RPTOR: variants seen among roughly 807,000 people sequenced by gnomAD.
The protein encoded by RPTOR is regulatory associated protein of MTOR complex 1.
Under a neutral mutation model 169.9 loss-of-function variants are expected in RPTOR, and 21 were observed. That is an observed-to-expected ratio of 0.12 (90% confidence interval 0.09 to 0.18). The LOEUF (loss-of-function observed/expected upper bound fraction) is 0.18, where lower values mean the gene tolerates loss of function less well. RPTOR is among the 10% of genes least tolerant of loss of function. The pLI is 1.00. For synonymous variants in RPTOR, 732 were observed against 753.2 expected (o/e 0.97, Z 0.46); for missense variants, 1,133 against 1,855.9 (o/e 0.61, Z 7.16).
intron 1 of RPTOR, among the ~76,000 whole-genome samples, chr17:80,591,566 A>G (rs1254279643): frequency 6.6e-6 from 1 of 151,246 alleles, no homozygotes; most frequent in Non-Finnish European, 1.5e-5. Flanking sequence ...TTTAGTAGAG[A>G]TGGGGTTTCA....
chr17:80,644,504 C>T (rs144192189), intron 3 of RPTOR, among the ~76,000 whole-genome samples: 8 of 152,184 alleles, frequency 5.3e-5, no homozygotes, highest in Non-Finnish European at 1.0e-4. Context: ...AATCTGGGCA[C>T]TTATGGAAGT....
chr17:80,854,346 G>A (rs1315975825), intron 11 of RPTOR, among the ~76,000 whole-genome samples: 2 of 152,236 alleles, frequency 1.3e-5, no homozygotes, highest in East Asian at 3.9e-4. Flanking sequence ...AATAAATCAA[G>A]GCTCAGCGAC....
chr17:80,693,734 G>T (rs529955389), intron 3 of RPTOR, among the ~76,000 whole-genome samples: 1 of 152,220 alleles, frequency 6.6e-6, no homozygotes, highest in Admixed American at 6.5e-5. Flanking sequence ...CCCCTTCCAC[G>T]CAGGGTGGGC....
In RPTOR at chr17:80,659,553, G is replaced by A. The variant is rs2065705512; in HGVS notation, c.348+15743G>A. Among the ~76,000 whole-genome samples, 1 of 151,842 alleles carries A rather than the reference G, an allele frequency of 6.6e-6. No individual in the cohort carries two copies. The highest frequency in any genetic ancestry group is 2.4e-5 in the African/African-American group (1 of 41,330). ...AGTTGGAGTTTCTCTCTGTCGCCAG[G>A]CTGGATACAGTGGCACGATCTTGGC... On this transcript the variant is annotated intron_variant, in intron 3 of 33. Transcript: ENST00000306801. The surrounding 1 kb of genome is among the most constrained non-coding windows in gnomAD (Gnocchi z 4.3).
At chr17:80,638,278 T>TG (rs769112598) in intron 2 of RPTOR, among the ~76,000 whole-genome samples, 2 of 152,158 alleles carry the variant, frequency 1.3e-5, no homozygotes, top group East Asian at 1.9e-4. Flanking sequence ...CCTTTGGGCC[T>TG]GGGGGGTCAG....
At chr17:80,647,796 A>G (rs2065608476) in intron 3 of RPTOR, among the ~76,000 whole-genome samples, 1 of 152,120 alleles carries the variant, frequency 6.6e-6, no homozygotes, top group African/African-American at 2.4e-5. Context: ...GTCTGCGAGT[A>G]GTGAAGGCAG....
At chr17:80,614,924 C>T (rs2065297975) in intron 1 of RPTOR, among the ~76,000 whole-genome samples, 4 of 152,206 alleles carry the variant, frequency 2.6e-5, no homozygotes, top group South Asian at 2.1e-4. Flanking sequence ...TTTGTTATTT[C>T]ACGTTGATAT....
intron 3 of RPTOR, among the ~76,000 whole-genome samples, chr17:80,703,533 G>A (rs986469786): frequency 1.3e-5 from 2 of 152,064 alleles, no homozygotes; most frequent in Non-Finnish European, 2.9e-5. Flanking sequence ...CACCCATTCC[G>A]CCTTGTGTGT....
chr17:80,897,849 C>T (rs2068425935), intron 20 of RPTOR, among the ~76,000 whole-genome samples: 2 of 152,098 alleles, frequency 1.3e-5, no homozygotes, highest in Admixed American at 6.5e-5. Flanking sequence ...GCCAAGATCA[C>T]GCCACTGCAC....
chr17:80,841,645 A>ACGGCAGCTCACTCTCACCGCG (rs1238652836), intron 10 of RPTOR, among the ~76,000 whole-genome samples: 1 of 122,708 alleles, frequency 8.1e-6, no homozygotes, highest in South Asian at 2.9e-4. Context: ...CACTCACCAC[A>ACGGCAGCTCACTCTCACCGCG]CGGCAGCTCA....
At chr17:80,855,905 G>C (rs1305702779) in intron 12 of RPTOR, among the ~76,000 whole-genome samples, 1 of 152,204 alleles carries the variant, frequency 6.6e-6, no homozygotes, top group Non-Finnish European at 1.5e-5. Flanking sequence ...CCACCTCGTG[G>C]TGCTGCTTCC....
intron 8 of RPTOR, 83 bp from the exon 9 acceptor site, chr17:80,822,996 G>T (rs1369257312): frequency 6.7e-7 from 1 of 1,485,448 alleles, no homozygotes; most frequent in South Asian, 1.3e-5. Context: ...AGTAATTTTT[G>T]ATAGAAGTGA....
At chr17:80,866,590 G>C (rs911993760) in intron 13 of RPTOR, among the ~76,000 whole-genome samples, 1 of 152,186 alleles carries the variant, frequency 6.6e-6, no homozygotes, top group Non-Finnish European at 1.5e-5. Context: ...CCAGCATCAG[G>C]AATGATAGAG....
At chr17:80,818,937 A>G (rs992196918) in intron 7 of RPTOR, among the ~76,000 whole-genome samples, 1 of 152,202 alleles carries the variant, frequency 6.6e-6, no homozygotes, top group African/African-American at 2.4e-5. Context: ...GCTGCTCAGA[A>G]TGCAGCTTTC....
chr17:80,784,556 T>C lies in RPTOR; in HGVS notation c.831-6894T>C, dbSNP rs573150156. Among the ~76,000 whole-genome samples, 3 of 151,954 alleles carry C rather than the reference T, an allele frequency of 2.0e-5. No homozygotes were observed. The East Asian group carries it at 5.8e-4, about 29-fold the overall frequency. Reference sequence around the variant, plus strand: ...ATAGGCACCCACCACCATGCCCAGCTAATTTTTTGTATTTTTAGTAGAAAT... The same window carrying C: ...ATAGGCACCCACCACCATGCCCAGCCAATTTTTTGTATTTTTAGTAGAAAT... On this transcript the variant is annotated intron_variant, in intron 6 of 33. Transcript: ENST00000306801.
At chr17:80,916,722 G>C (rs576773082) in intron 21 of RPTOR, among the ~76,000 whole-genome samples, 6 of 152,212 alleles carry the variant, frequency 3.9e-5, no homozygotes, top group African/African-American at 1.4e-4. Context: ...AACATTGGCC[G>C]AGTGCGATGG....
rs11547302 is a variant in RPTOR at position 80,964,585 on chromosome 17, G to A, written c.*255G>A. On this transcript the variant is annotated 3_prime_UTR_variant, in exon 34 of 34. Coordinates refer to ENST00000306801, the MANE Select transcript of RPTOR (RefSeq NM_020761.3). ...AGCACCAGCATCCAGGTGCACCCCC[G>A]CGGCCACGGCGCCTCTGTCCCTCTC... is the stretch of plus-strand genomic sequence containing the variant. 0.17 allele frequency: 95,862 copies of A among 554,350 alleles called. 9,850 individuals are homozygous for A. Among genetic ancestry groups the A allele is most frequent in the Non-Finnish European group, 0.22 (66,789 of 307,842 alleles). The allele number at this position is 554,350 out of a possible 1,614,324, so 34.3% of individuals were successfully genotyped here. A position where few individuals can be genotyped will look rare whatever the true frequency, so the allele number is the denominator to read the frequency against.
chr17:80,917,743 G>GT, intron 21 of RPTOR, among the ~76,000 whole-genome samples: 1 of 152,078 alleles, frequency 6.6e-6, no homozygotes, highest in Non-Finnish European at 1.5e-5. Context: ...GTTCTCTGTT[G>GT]CCACCGTGAT....
Position 80,582,562 on chromosome 17 carries a change from T to C in RPTOR, c.162+36771T>C, listed in dbSNP as rs986961148. 6.2e-5 allele frequency among the ~76,000 whole-genome samples: 5 copies of C among 80,202 alleles called. No individual in the cohort carries two copies. In the Admixed American group the frequency reaches 7.5e-4, roughly 12 times the overall value. 52.6% of individuals were successfully genotyped at this position (80,202 alleles called of 152,430 possible). On this transcript the variant is annotated intron_variant, in intron 1 of 33. Transcript: ENST00000306801. ...TGGGCTTTTTTTTTTTTTTTTTTTT[T>C]TGAGACAGCGTCTTGCTCTGTTGCC...
Sources: allele counts gnomAD v4.1 joint callset (sites outside exome capture counted in the v4.1 genomes callset), GRCh38; gene constraint gnomAD v4.1.1; non-coding constraint Gnocchi (gnomAD v3.1); transcripts MANE v1.5; gene names NCBI Gene and HGNC (gene_info 2026-07-23, HGNC 2026-07-21).